TSPOAP1: variants seen among roughly 807,000 people sequenced by gnomAD.
TSPOAP1 encodes peripheral-type benzodiazepine receptor-associated protein 1.
A neutral mutation model predicts 197.0 loss-of-function variants in TSPOAP1; 87 were observed. The ratio of observed to expected loss-of-function variants is 0.44; its 90% CI spans 0.37 to 0.53. The LOEUF is 0.53. Among genes scored for constraint, TSPOAP1 ranks in the 20% least tolerant of loss-of-function variants. The probability of loss-of-function intolerance (pLI) is 0.00; values close to 1 mark genes in which losing one functional copy is unlikely to be tolerated. For missense variants in TSPOAP1, 2,174 were observed against 2,411.3 expected (o/e 0.90, Z 2.06); for synonymous variants, 913 against 998.9 (o/e 0.91, Z 1.62).
Position 58,322,781 on chromosome 17 carries a change from C to A in TSPOAP1, c.1195-5G>T. 2.5e-6 allele frequency: 4 copies of A among 1,612,426 alleles called. No homozygotes were observed. The highest frequency in any genetic ancestry group is 3.4e-6 in the Non-Finnish European group (4 of 1,179,860). ...CTCCGCATTCTCCCACTCCACCTGG[C>A]GAGGGGGCAGTGACAGGGAGTTGGG... On this transcript the variant is annotated splice_polypyrimidine_tract_variant and splice_region_variant and intron_variant, in intron 8 of 31. Transcript: ENST00000343736. This position sits in a 1 kb window ranked among gnomAD's most constrained non-coding sequence, Gnocchi z 5.0.
At chr17:58,321,239 T>C (rs1971395976) in intron 10 of TSPOAP1, among the ~76,000 whole-genome samples, 1 of 151,764 alleles carries the variant, frequency 6.6e-6, no homozygotes, top group South Asian at 2.1e-4. Flanking sequence ...CCAAGGTTTA[T>C]ACAGCAAATG....
chr17:58,304,928 G>A lies in TSPOAP1; in HGVS notation c.5544+133C>T. 1.4e-6 allele frequency: 1 copy of A among 740,190 alleles called. No homozygotes were observed. Among genetic ancestry groups the A allele is most frequent in the Non-Finnish European group, 2.4e-6 (1 of 408,646 alleles). The allele number at this position is 740,190 out of a possible 1,614,324, so 45.9% of individuals were successfully genotyped here. A position where few individuals can be genotyped will look rare whatever the true frequency, so the allele number is the denominator to read the frequency against. On this transcript the variant is annotated intron_variant, in intron 30 of 31. Transcript: ENST00000343736. This position sits in a 1 kb window ranked among gnomAD's most constrained non-coding sequence, Gnocchi z 4.2. The stretch of plus-strand genomic sequence containing the variant: ...GCTCCCCTCTGGTGGTCAATTAGCG[G>A]CTGCACGCTGGACACAGTGCTTACC...
intron 31 of TSPOAP1, chr17:58,303,376 G>T: frequency 6.6e-6 from 1 of 152,390 alleles, no homozygotes; most frequent in Non-Finnish European, 1.5e-5. Context: ...CAGGCCAGAG[G>T]CAAGGAAAGT....
At chr17:58,325,843 G>C in intron 3 of TSPOAP1, 130 bp from the exon 4 acceptor site, 3 of 991,212 alleles carry the variant, frequency 3.0e-6, no homozygotes, top group South Asian at 1.7e-5. Flanking sequence ...ACCTTGACTG[G>C]GGTCTCAGAA....
rs762151285 is a variant in TSPOAP1 at position 58,311,193 on chromosome 17, G to A, written c.3102C>T (p.Pro1034=). ...DGQKIMEVAS[P]TAGSVLVELS... ...ACTCCACCAGTACACTGCCTGCCGT[G>A]GGTGAGGCCACCTCCATGATCTGCA... is the stretch of plus-strand genomic sequence containing the variant. Residue 1034 remains proline, a synonymous_variant, in exon 19 of 32, where the codon CCC becomes CCT. Transcript: ENST00000343736. 10 of 1,611,916 alleles carry A rather than the reference G, an allele frequency of 6.2e-6. No homozygotes were observed. In the South Asian group the frequency reaches 1.1e-4, roughly 18 times the overall value.
rs1200574759 is a variant in TSPOAP1 at position 58,324,863 on chromosome 17, C to T, written c.890G>A (p.Gly297Asp). ...CCCTGCTCTGGCCTGGAGAGCAGGG[C>T]CCGGGGGCCAGGACGGCGGGAGCGG... is the stretch of plus-strand genomic sequence containing the variant. ...TLPLPPSWPP[G>D]PALQARAGAP... The change falls in exon 5 of 32, where the codon GGC (glycine) becomes GAC (aspartate). Residue 297 changes from glycine (G) to aspartate (D), a missense_variant. By Grantham distance (94) the Gly-to-Asp change is moderately conservative (BLOSUM62 -1). This residue lies in a region of TSPOAP1 where 1,933 missense variants were observed against 2,139.0 expected (regional missense o/e 0.90). Coordinates refer to ENST00000343736, the MANE Select transcript of TSPOAP1 (RefSeq NM_004758.4). The surrounding 1 kb of genome is among the most constrained non-coding windows in gnomAD (Gnocchi z 5.8). 1.3e-6 allele frequency: 2 copies of T among 1,529,508 alleles called. No individual in the cohort carries two copies. The highest frequency in any genetic ancestry group is 1.2e-5 in the South Asian group (1 of 83,568). The allele number at this position is 1,529,508 out of a possible 1,614,324, so 94.7% of individuals were successfully genotyped here.
At position 58,322,865 on chromosome 17, in the gene TSPOAP1, A is replaced by C. The variant is rs1025682407; in HGVS notation, c.1194+85T>G. On this transcript the variant is annotated intron_variant, in intron 8 of 31. Transcript: ENST00000343736. The surrounding 1 kb of genome is among the most constrained non-coding windows in gnomAD (Gnocchi z 5.0). ...GGGGAACAGTACCCTACCCCTGCTC[A>C]GGGGTGGAGGAGAAAGCCCCTTGGC... is the stretch of plus-strand genomic sequence containing the variant. 6.2e-7 allele frequency: 1 copy of C among 1,602,962 alleles called. No individual in the cohort carries two copies. The highest frequency in any genetic ancestry group is 1.3e-5 in the African/African-American group (1 of 74,616).
rs1970990090 is a variant in TSPOAP1, at chr17:58,308,833, CG to C, written c.4438del (p.Arg1480GlyfsTer54). On this transcript the variant is annotated frameshift_variant, in exon 22 of 32. Coordinates refer to ENST00000343736, the MANE Select transcript of TSPOAP1 (RefSeq NM_004758.4). LOFTEE classifies it high-confidence loss of function. ...GCTGGCCAGGCCAGGCTCCAGCGCC[CG>C]GCCACGGGAGCACCTCCGGGAAGGG... The part of the protein sequence containing the change: ...LGPSRRCSRG[R>X]ALEPGLASCL... 1 of 1,611,630 alleles carries C rather than the reference CG, an allele frequency of 6.2e-7. No individual in the cohort carries two copies. Among genetic ancestry groups the C allele is most frequent in the Non-Finnish European group, 8.5e-7 (1 of 1,179,170 alleles).
chr17:58,314,806 C>G (rs778952396), intron 16 of TSPOAP1, among the ~76,000 whole-genome samples: 3 of 152,264 alleles, frequency 2.0e-5, no homozygotes, highest in Non-Finnish European at 2.9e-5. Context: ...AGGGCTGAAG[C>G]TGGAGCCTGG....
intron 12 of TSPOAP1, among the ~76,000 whole-genome samples, chr17:58,319,510 C>G (rs190621213): frequency 7.2e-4 from 110 of 152,348 alleles, no homozygotes; most frequent in African/African-American, 2.5e-3. Context: ...TTCACCCCAG[C>G]CCCCTCCAGA....
intron 4 of TSPOAP1, 149 bp downstream of exon 4, chr17:58,325,385 C>T (rs1971551538): frequency 2.0e-6 from 2 of 988,504 alleles, no homozygotes; most frequent in Admixed American, 2.1e-5. Flanking sequence ...TCCCCTCTCC[C>T]ACCTGGGCCG....
At chr17:58,319,322 A>G (rs1055046205) in intron 12 of TSPOAP1, 28 bp from the exon 13 acceptor site, 2 of 1,546,742 alleles carry the variant, frequency 1.3e-6, no homozygotes, top group African/African-American at 1.4e-5. Context: ...ATGAGCCGCC[A>G]GGCCCCTCAA....
chr17:58,309,752 A>G lies in TSPOAP1; in HGVS notation c.3891+215T>C, dbSNP rs1368580282. Among the ~76,000 whole-genome samples the G allele has an allele frequency of 6.6e-6, 1 of 152,140 alleles. No individual in the cohort carries two copies. The highest frequency in any genetic ancestry group is 1.9e-4 in the East Asian group (1 of 5,186). ...TGTATCTGGTGGGCTGGAGGGAGAG[A>G]AGGTACAGAAATGAACTCCTCCCCT... On this transcript the variant is annotated intron_variant, in intron 21 of 31. Transcript: ENST00000343736. This position sits in a 1 kb window ranked among gnomAD's most constrained non-coding sequence, Gnocchi z 5.0.
chr17:58,313,901 T>C (rs1332445836), intron 16 of TSPOAP1, among the ~76,000 whole-genome samples: 1 of 152,260 alleles, frequency 6.6e-6, no homozygotes, highest in African/African-American at 2.4e-5. Flanking sequence ...GTTACCTGCA[T>C]CAGTTCTCCT....
rs1189929573 is a variant in TSPOAP1, at chr17:58,307,663, T to C, written c.4931A>G (p.Asn1644Ser). The stretch of plus-strand genomic sequence containing the variant: ...AAGCTCTTCTTCTCCAGCATCAGGA[T>C]TGGGCGACATTGACACGGGGTCATA... ...FDYDPVSMSP[N>S]PDAGEEELPF... The change falls in exon 24 of 32, where the codon AAT becomes AGT. Residue 1644 changes from asparagine to serine, a missense_variant. Around this residue, in one of 5 missense-constraint regions of TSPOAP1, gnomAD observed 1,933 missense variants for 2,139.0 expected, o/e 0.90. Transcript: ENST00000343736. 9.3e-6 allele frequency: 15 copies of C among 1,614,114 alleles called. No individual in the cohort carries two copies. Among genetic ancestry groups the C allele is most frequent in the African/African-American group, 1.3e-5 (1 of 75,048 alleles).
chr17:58,325,298 C>A (rs1170406960), intron 4 of TSPOAP1, among the ~76,000 whole-genome samples: 1 of 152,218 alleles, frequency 6.6e-6, no homozygotes, highest in Non-Finnish European at 1.5e-5. Flanking sequence ...ATGCATACAG[C>A]CAGACCCACC....
At chr17:58,307,266 A>G (rs1161254051) in intron 24 of TSPOAP1, among the ~76,000 whole-genome samples, 3 of 152,248 alleles carry the variant, frequency 2.0e-5, no homozygotes, top group Non-Finnish European at 4.4e-5. Context: ...GAGGAGTAAT[A>G]AAAATAGTAA....
intron 16 of TSPOAP1, among the ~76,000 whole-genome samples, chr17:58,315,304 C>T (rs1971193275): frequency 6.6e-6 from 1 of 152,202 alleles, no homozygotes; most frequent in Non-Finnish European, 1.5e-5. Context: ...TCTCTACACA[C>T]AGCTGCGGCT....
rs2526378 is a variant in TSPOAP1 at position 58,326,988 on chromosome 17, A to C, written c.334-198T>G. ...TCCAGTCCTCCCTGTCCACATAGACACCCCCAAACCTGGCACCCTCCTGCT... is the reference window on the plus strand; with the variant it reads ...TCCAGTCCTCCCTGTCCACATAGACCCCCCCAAACCTGGCACCCTCCTGCT... On this transcript the variant is annotated intron_variant, in intron 1 of 31. Transcript: ENST00000343736. The surrounding 1 kb of genome is among the most constrained non-coding windows in gnomAD (Gnocchi z 4.7). 6.6e-6 allele frequency among the ~76,000 whole-genome samples: 1 copy of C among 151,682 alleles called. No homozygotes were observed. Among genetic ancestry groups the C allele is most frequent in the Non-Finnish European group, 1.5e-5 (1 of 67,898 alleles).
Sources: gnomAD v4.1 joint callset for allele counts (sites outside exome capture counted in the v4.1 genomes callset) on GRCh38, gnomAD v4.1.1 for gene constraint, gnomAD v4.1.1 regional missense constraint, Gnocchi (gnomAD v3.1) non-coding constraint, MANE v1.5 for transcripts, NCBI Gene and HGNC (gene_info 2026-07-23, HGNC 2026-07-21) for gene names.